DMBT1: variants seen among roughly 807,000 people sequenced by gnomAD.
The protein encoded by DMBT1 is deleted in malignant brain tumors 1, also known as scavenger receptor cysteine-rich domain-containing protein DMBT1.
A neutral mutation model predicts 252.9 loss-of-function variants in DMBT1; 198 were observed. The observed-to-expected ratio is 0.78, with a 90% CI of 0.70 to 0.88. The LOEUF is 0.88. DMBT1 is among the 40% of genes least tolerant of loss of function. The pLI is 0.00. For missense variants in DMBT1, 2,432 were observed against 2,404.7 expected (o/e 1.01, Z -0.24); for synonymous variants, 990 against 942.7 (o/e 1.05, Z -0.92).
rs748445351 is a variant in DMBT1, at chr10:122,618,256, G to A, written c.5131G>A (p.Glu1711Lys). 41 of 1,613,668 alleles carry A rather than the reference G, an allele frequency of 2.5e-5. No individual in the cohort carries two copies. The highest frequency in any genetic ancestry group is 6.7e-5 in the Admixed American group (4 of 59,986). The change falls in exon 41 of 56, where the codon GAG (glutamate) becomes AAG (lysine). Residue 1711 changes from glutamate to lysine, a missense_variant. Physicochemically the swap from Glu to Lys is moderately conservative, Grantham distance 56 (BLOSUM62 1). This residue lies in a region of DMBT1 where 1,162 missense variants were observed against 1,169.0 expected (regional missense o/e 0.99). Transcript: ENST00000338354. The part of the protein sequence containing the change: ...VLDDVRCSGH[E>K]SYLWSCPHNG... ...GGATGATGTGCGCTGCTCAGGACACGAGTCTTACCTGTGGAGCTGCCCCCA... is the reference window on the plus strand; with the variant it reads ...GGATGATGTGCGCTGCTCAGGACACAAGTCTTACCTGTGGAGCTGCCCCCA...
At position 122,580,899 on chromosome 10, in the gene DMBT1, G is replaced by C; in HGVS notation, c.1033+4G>C. On this transcript the variant is annotated splice_donor_region_variant and intron_variant, in intron 11 of 55. Coordinates refer to ENST00000338354, the MANE Select transcript of DMBT1 (RefSeq NM_001377530.1). Reference sequence around the variant, plus strand: ...TCCCGGCCGACACCCAGCCCAGGTAGGTCCCCAGTGTCCTTCCTCAAAATG... The same window carrying C: ...TCCCGGCCGACACCCAGCCCAGGTACGTCCCCAGTGTCCTTCCTCAAAATG... 2 of 1,613,764 alleles carry C rather than the reference G, an allele frequency of 1.2e-6. No individual in the cohort carries two copies. Among genetic ancestry groups the C allele is most frequent in the Non-Finnish European group, 1.7e-6 (2 of 1,179,836 alleles).
chr10:122,587,524 G>C (rs1016029653), intron 16 of DMBT1, among the ~76,000 whole-genome samples: 1 of 148,420 alleles, frequency 6.7e-6, no homozygotes, highest in African/African-American at 2.4e-5. Context: ...AAGATCACAG[G>C]CTGGATATTT....
At chr10:122,568,245 G>A (rs2097619584) in intron 2 of DMBT1, among the ~76,000 whole-genome samples, 1 of 152,132 alleles carries the variant, frequency 6.6e-6, no homozygotes, top group South Asian at 2.1e-4. Context: ...GGAGGGAAGA[G>A]GCTGTGTTGA....
intron 5 of DMBT1, among the ~76,000 whole-genome samples, chr10:122,573,083 C>T (rs568975956): frequency 6.6e-6 from 1 of 152,230 alleles, no homozygotes; most frequent in Non-Finnish European, 1.5e-5. Flanking sequence ...TGTCCCATGG[C>T]GTGATCCCCA....
chr10:122,580,073 G>C (rs1328855204), intron 10 of DMBT1, among the ~76,000 whole-genome samples, 172 bp downstream of exon 10: 2 of 152,188 alleles, frequency 1.3e-5, no homozygotes, highest in African/African-American at 4.8e-5. Flanking sequence ...TGTTCCTGTG[G>C]TCACTTAGGA....
chr10:122,623,519 A>G (rs1166490814), intron 44 of DMBT1, among the ~76,000 whole-genome samples: 1 of 152,176 alleles, frequency 6.6e-6, no homozygotes, highest in Non-Finnish European at 1.5e-5. Context: ...GCATTCCCCC[A>G]AGCAATGCCT....
intron 1 of DMBT1, among the ~76,000 whole-genome samples, chr10:122,565,185 T>C (rs1044957172): frequency 6.6e-6 from 1 of 152,218 alleles, no homozygotes; most frequent in African/African-American, 2.4e-5. Flanking sequence ...AATACTTTCT[T>C]GGATGATGAA....
intron 7 of DMBT1, among the ~76,000 whole-genome samples, chr10:122,577,124 A>G (rs2097719514): frequency 6.6e-6 from 1 of 152,152 alleles, no homozygotes; most frequent in Admixed American, 6.5e-5. Flanking sequence ...TGACATCAGA[A>G]ATGATGAGCT....
chr10:122,590,197 G>A (rs1427807067), intron 17 of DMBT1, among the ~76,000 whole-genome samples: 1 of 148,912 alleles, frequency 6.7e-6, no homozygotes, highest in African/African-American at 2.4e-5. Flanking sequence ...GGTTTTGGGG[G>A]TGTGAGTGCT....
At chr10:122,581,251 C>A (rs1211135415) in intron 11 of DMBT1, among the ~76,000 whole-genome samples, 23 of 145,482 alleles carry the variant, frequency 1.6e-4, no homozygotes, top group African/African-American at 6.1e-4. Flanking sequence ...ACCCTCTGAC[C>A]CGTTCAAGGC....
chr10:122,638,295 T>C (rs1446934148), intron 54 of DMBT1, among the ~76,000 whole-genome samples: 1 of 152,092 alleles, frequency 6.6e-6, no homozygotes, highest in African/African-American at 2.4e-5. Context: ...TCACACCCAT[T>C]CACACCCATT....
At chr10:122,638,624 T>A (rs1015071119) in intron 54 of DMBT1, among the ~76,000 whole-genome samples, 3 of 152,124 alleles carry the variant, frequency 2.0e-5, no homozygotes, top group Non-Finnish European at 4.4e-5. Flanking sequence ...AAATTTTTTT[T>A]TGTAGAGGTG....
intron 46 of DMBT1, 40 bp downstream of exon 46, chr10:122,626,005 T>C: frequency 6.4e-7 from 1 of 1,561,952 alleles, no homozygotes; most frequent in Non-Finnish European, 8.8e-7. Context: ...AGGTCATACA[T>C]TTCTTATCCC....
In DMBT1 at chr10:122,617,565, C is replaced by T. The variant is rs187530533; in HGVS notation, c.4891+305C>T. Among the ~76,000 whole-genome samples the T allele has an allele frequency of 9.1e-4, 138 of 151,740 alleles. 4 individuals carry two copies. Among genetic ancestry groups the T allele is most frequent in the African/African-American group, 2.3e-3 (93 of 41,238 alleles). ...GACCTCTTTCCTGGCCCTCTGACCA[C>T]GCACTGCAGACCTGCAAGGGTGGGT... On this transcript the variant is annotated intron_variant, in intron 40 of 55. Coordinates refer to ENST00000338354, the MANE Select transcript of DMBT1 (RefSeq NM_001377530.1).
At chr10:122,632,033 G>C (rs937686764) in intron 50 of DMBT1, among the ~76,000 whole-genome samples, 158 bp downstream of exon 50, 1 of 152,028 alleles carries the variant, frequency 6.6e-6, no homozygotes, top group Non-Finnish European at 1.5e-5. Flanking sequence ...CACCAGGATA[G>C]TGTGCCCCTC....
chr10:122,590,839 T>G lies in DMBT1; in HGVS notation c.2137+145T>G, dbSNP rs2097844141. 1.2e-5 allele frequency: 13 copies of G among 1,064,038 alleles called. 1 individual carries two copies. The Admixed American group carries it at 1.7e-4, about 14-fold the overall frequency. The allele number at this position is 1,064,038 out of a possible 1,614,324, so 65.9% of individuals were successfully genotyped here. On this transcript the variant is annotated intron_variant, in intron 18 of 55. Transcript: ENST00000338354. ...CTGCTCTGTAACTGAGACCCTAGCA[T>G]GGAGCTTCTTAACCAGACATGGTTA... is the stretch of plus-strand genomic sequence containing the variant.
In DMBT1 at chr10:122,600,907, G is replaced by T. The variant is rs550011062; in HGVS notation, c.3311-84G>T. On this transcript the variant is annotated intron_variant, in intron 27 of 55. Coordinates refer to ENST00000338354, the MANE Select transcript of DMBT1 (RefSeq NM_001377530.1). ...ACAGGAAGTGGAATTGTTGCCAGGTGGATTCCCCCTCCCAGAGAACCTTTT... is the reference window on the plus strand; with the variant it reads ...ACAGGAAGTGGAATTGTTGCCAGGTTGATTCCCCCTCCCAGAGAACCTTTT... The T allele has an allele frequency of 6.3e-4, 410 of 655,268 alleles. 2 individuals are homozygous for T. Among genetic ancestry groups the T allele is most frequent in the African/African-American group, 6.1e-3 (335 of 54,578 alleles). 40.6% of individuals were successfully genotyped at this position (655,268 alleles called of 1,614,324 possible).
chr10:122,577,926 T>C, intron 8 of DMBT1, 86 bp downstream of exon 8: 4 of 1,444,506 alleles, frequency 2.8e-6, no homozygotes, highest in Non-Finnish European at 3.9e-6. Context: ...CTCCTGCTTC[T>C]CTGCAGATAC....
intron 15 of DMBT1, 114 bp downstream of exon 15, chr10:122,585,423 G>T: frequency 7.5e-7 from 1 of 1,340,666 alleles, no homozygotes; most frequent in Non-Finnish European, 1.0e-6. Context: ...TCATGTCCCT[G>T]TGGGTTGCAT....
Sources: allele counts gnomAD v4.1 joint callset (sites outside exome capture counted in the v4.1 genomes callset), GRCh38; gene constraint gnomAD v4.1.1; regional missense constraint gnomAD v4.1.1; transcripts MANE v1.5; gene names NCBI Gene and HGNC (gene_info 2026-07-23, HGNC 2026-07-21).